ASH1L: variants seen among roughly 807,000 people sequenced by gnomAD.
ASH1L encodes the protein histone-lysine N-methyltransferase ASH1L.
Under a neutral mutation model 269.0 loss-of-function variants are expected in ASH1L, and 23 were observed. The ratio of observed to expected loss-of-function variants is 0.09; its 90% CI spans 0.06 to 0.12. The LOEUF is 0.12. ASH1L is among the 10% of genes least tolerant of loss of function. The pLI is 1.00. For synonymous variants in ASH1L, 1,187 were observed against 1,253.5 expected (o/e 0.95, Z 1.12); for missense variants, 2,912 against 3,567.8 (o/e 0.82, Z 4.68).
chr1:155,388,780 T>C (rs1035358318), intron 7 of ASH1L, among the ~76,000 whole-genome samples: 1 of 148,310 alleles, frequency 6.7e-6, no homozygotes, highest in African/African-American at 2.5e-5. Flanking sequence ...AGTGCGCTGG[T>C]GCAATCATAA....
intron 4 of ASH1L, 69 bp downstream of exon 4, chr1:155,459,728 G>C (rs1664145744): frequency 2.4e-6 from 3 of 1,247,556 alleles, no homozygotes; most frequent in Admixed American, 3.9e-5. Context: ...CTACAATATT[G>C]TAACTCCTTA....
chr1:155,382,010 C>T (rs1211709131), intron 7 of ASH1L, among the ~76,000 whole-genome samples: 1 of 151,350 alleles, frequency 6.6e-6, no homozygotes, highest in Non-Finnish European at 1.5e-5. Flanking sequence ...AGTTCGAGAA[C>T]AGCCTGGCCA....
At position 155,365,603 on chromosome 1, in the gene ASH1L, CAAAAT is replaced by C. The variant is rs527501432; in HGVS notation, c.6686+4896_6686+4900del. On this transcript the variant is annotated intron_variant, in intron 12 of 27. Transcript: ENST00000392403. ...TTTGTTTCCCTCTACCTCATTTCTC[CAAAAT>C]CTGGAAACCAGATGATACAATTGGA... 1.4e-3 allele frequency among the ~76,000 whole-genome samples: 220 copies of C among 152,158 alleles called. 2 individuals are homozygous for C. Among genetic ancestry groups the C allele is most frequent in the African/African-American group, 5.1e-3 (210 of 41,518 alleles).
chr1:155,484,602 C>T (rs998870087), intron 2 of ASH1L, among the ~76,000 whole-genome samples: 1 of 151,896 alleles, frequency 6.6e-6, no homozygotes, highest in African/African-American at 2.4e-5. Flanking sequence ...AATCTACATC[C>T]TAAATCTCAA....
At chr1:155,456,362 C>G (rs1399472390) in intron 4 of ASH1L, among the ~76,000 whole-genome samples, 1 of 152,054 alleles carries the variant, frequency 6.6e-6, no homozygotes, top group Non-Finnish European at 1.5e-5. Context: ...ACTATTTTTT[C>G]TTATTTTCTC....
intron 2 of ASH1L, among the ~76,000 whole-genome samples, chr1:155,507,151 G>A (rs960268998): frequency 3.3e-5 from 5 of 151,810 alleles, no homozygotes; most frequent in Admixed American, 6.6e-5. Context: ...ATGGTGGTGC[G>A]TGCCTGCAAT....
In ASH1L at chr1:155,481,420, G is replaced by C. The variant is rs757555287; in HGVS notation, c.1450C>G (p.Arg484Gly). The C allele has an allele frequency of 2.5e-6, 4 of 1,613,830 alleles. No individual in the cohort carries two copies. The highest frequency in any genetic ancestry group is 3.4e-6 in the Non-Finnish European group (4 of 1,179,922). The change falls in exon 3 of 28, where the codon CGA becomes GGA. Residue 484 changes from arginine (R) to glycine (G), a missense_variant. By Grantham distance (125) the Arg-to-Gly change is moderately radical. Coordinates refer to ENST00000392403, the MANE Select transcript of ASH1L (RefSeq NM_018489.3). ...TTCTCCAAATTAATGATTTCTTTTCGTACTGAGAACTTTTCCAATATGCTT... is the reference window on the plus strand; with the variant it reads ...TTCTCCAAATTAATGATTTCTTTTCCTACTGAGAACTTTTCCAATATGCTT... ...KESILEKFSV[R>G]KEIINLEKEM...
intron 12 of ASH1L, among the ~76,000 whole-genome samples, chr1:155,361,979 G>A (rs925054931): frequency 2.0e-5 from 3 of 151,252 alleles, no homozygotes; most frequent in African/African-American, 7.3e-5. Context: ...TCTATCACAT[G>A]AGTGCCTCTC....
intron 5 of ASH1L, among the ~76,000 whole-genome samples, chr1:155,426,782 T>C (rs1355041198): frequency 6.6e-6 from 1 of 152,206 alleles, no homozygotes; most frequent in Non-Finnish European, 1.5e-5. Flanking sequence ...CTAAAAAATT[T>C]TTTTCTAGGC....
At chr1:155,403,084 C>T (rs1658989728) in intron 6 of ASH1L, among the ~76,000 whole-genome samples, 1 of 151,462 alleles carries the variant, frequency 6.6e-6, no homozygotes. Flanking sequence ...ACTTGGGAGG[C>T]TGAGACAGGA....
chr1:155,530,085 C>T (rs1669556838), intron 1 of ASH1L, among the ~76,000 whole-genome samples: 1 of 152,144 alleles, frequency 6.6e-6, no homozygotes, highest in Non-Finnish European at 1.5e-5. Context: ...CACCCTTTCC[C>T]CAGATAATTG....
chr1:155,530,792 G>A (rs567061137), intron 1 of ASH1L, among the ~76,000 whole-genome samples: 45 of 151,778 alleles, frequency 3.0e-4, no homozygotes, highest in African/African-American at 8.9e-4. Flanking sequence ...CGTGCCTATC[G>A]TCCCAGCTAC....
intron 5 of ASH1L, 21 bp from the exon 6 acceptor site, chr1:155,415,944 A>C: frequency 6.8e-7 from 1 of 1,470,092 alleles, no homozygotes; most frequent in Non-Finnish European, 9.0e-7. Flanking sequence ...AAGTTTAAAG[A>C]TAATTTTATT....
At chr1:155,423,562 T>C (rs533159563) in intron 5 of ASH1L, among the ~76,000 whole-genome samples, 1 of 151,984 alleles carries the variant, frequency 6.6e-6, no homozygotes, top group Non-Finnish European at 1.5e-5. Flanking sequence ...AGCAAGACTC[T>C]GTCTCAAAAA....
At chr1:155,520,961 T>C in intron 2 of ASH1L, 139 bp downstream of exon 2, 1 of 873,112 alleles carries the variant, frequency 1.1e-6, no homozygotes, top group Non-Finnish European at 1.8e-6. Flanking sequence ...TTGGGGCTTA[T>C]TTTAAGGCTC....
intron 4 of ASH1L, among the ~76,000 whole-genome samples, chr1:155,440,034 G>A (rs188423192): frequency 6.4e-4 from 97 of 151,996 alleles, no homozygotes; most frequent in Non-Finnish European, 1.1e-3. Context: ...TTCAGGCCAG[G>A]AACGGTGGCT....
chr1:155,480,494 G>T lies in ASH1L; in HGVS notation c.2376C>A (p.Leu792=), dbSNP rs1570939909. ...GAGATGGTTTTTCACTATCAGCTAA[G>T]AGAGCAAGAGATGGAGCTGTGGATT... The part of the protein sequence containing the change: ...LSKSTAPSLA[L]LADSEKPSHK... The change falls in exon 3 of 28, where the codon CTC becomes CTA. Residue 792 remains leucine (L), a synonymous_variant. Coordinates refer to ENST00000392403, the MANE Select transcript of ASH1L (RefSeq NM_018489.3). 6.2e-7 allele frequency: 1 copy of T among 1,614,110 alleles called. No individual in the cohort carries two copies. Among genetic ancestry groups the T allele is most frequent in the Non-Finnish European group, 8.5e-7 (1 of 1,179,960 alleles).
chr1:155,557,572 G>GC (rs1671687582), intron 1 of ASH1L, among the ~76,000 whole-genome samples: 2 of 151,910 alleles, frequency 1.3e-5, no homozygotes, highest in South Asian at 4.1e-4. Flanking sequence ...GAGCCACCAC[G>GC]CCCGGCCTAG....
In ASH1L at chr1:155,381,769, G is replaced by A. The variant is rs144952052; in HGVS notation, c.6104-1653C>T. 3.5e-4 allele frequency among the ~76,000 whole-genome samples: 53 copies of A among 151,482 alleles called. No individual in the cohort carries two copies. The East Asian group carries it at 9.7e-3, about 28-fold the overall frequency. On this transcript the variant is annotated intron_variant, in intron 7 of 27. Coordinates refer to ENST00000392403, the MANE Select transcript of ASH1L (RefSeq NM_018489.3). Reference sequence around the variant, plus strand: ...ACACGCCTGTAATCCCAGCTACTTGGGAGGCTGAAATAGGAGAATCGCTTG... The same window carrying A: ...ACACGCCTGTAATCCCAGCTACTTGAGAGGCTGAAATAGGAGAATCGCTTG...
Sources: gnomAD v4.1 joint callset for allele counts (sites outside exome capture counted in the v4.1 genomes callset) on GRCh38, gnomAD v4.1.1 for gene constraint, MANE v1.5 for transcripts, NCBI Gene and HGNC (gene_info 2026-07-23, HGNC 2026-07-21) for gene names.